Variants in FSTL5 observed in about 807,000 individuals in gnomAD.
The protein encoded by FSTL5 is follistatin-related protein 5.
FSTL5 carries 62 observed loss-of-function variants against 89.1 expected under a neutral mutation model. That is an observed-to-expected ratio of 0.70 (90% confidence interval 0.57 to 0.86). The LOEUF (loss-of-function observed/expected upper bound fraction) is 0.86. Among genes scored for constraint, FSTL5 ranks in the 40% least tolerant of loss-of-function variants. The pLI is 0.00. For synonymous variants in FSTL5, 383 were observed against 346.2 expected, an observed-to-expected ratio of 1.11 and a Z score of -1.18; for missense variants, 1,057 against 1,001.6, an observed-to-expected ratio of 1.06 and a Z score of -0.75.
chr4:161,807,194 AATAC>A (rs1311169323), intron 4 of FSTL5, among the ~76,000 whole-genome samples: 1 of 53,118 alleles, frequency 1.9e-5, no homozygotes, highest in East Asian at 5.3e-4. Context: ...AACACATGAG[AATAC>A]ACACACACAC....
At chr4:161,569,303 A>G (rs1417294343) in intron 8 of FSTL5, among the ~76,000 whole-genome samples, 3 of 152,148 alleles carry the variant, frequency 2.0e-5, no homozygotes, top group Non-Finnish European at 2.9e-5. Flanking sequence ...GCTGCCATAA[A>G]CATTTCTTGG....
At chr4:161,427,002 T>C (rs1168813231) in intron 15 of FSTL5, among the ~76,000 whole-genome samples, 1 of 152,166 alleles carries the variant, frequency 6.6e-6, no homozygotes, top group Non-Finnish European at 1.5e-5. Context: ...TATTATCTAA[T>C]ATAGAAAACC....
At chr4:161,458,881 G>A (rs772603934) in intron 14 of FSTL5, among the ~76,000 whole-genome samples, 1 of 152,128 alleles carries the variant, frequency 6.6e-6, no homozygotes, top group African/African-American at 2.4e-5. Context: ...TTTTGCTGTC[G>A]AATTCTCTTT....
At chr4:161,711,299 G>C (rs550919496) in intron 6 of FSTL5, among the ~76,000 whole-genome samples, 23 of 151,742 alleles carry the variant, frequency 1.5e-4, no homozygotes, top group Non-Finnish European at 3.4e-4. Flanking sequence ...AAGAGAAAAG[G>C]CTCAAGCTAC....
chr4:161,900,081 C>A (rs1425601397), intron 4 of FSTL5, among the ~76,000 whole-genome samples: 2 of 152,048 alleles, frequency 1.3e-5, no homozygotes, highest in African/African-American at 4.8e-5. Context: ...GTAGTCCCAG[C>A]TACACAGAAG....
intron 3 of FSTL5, among the ~76,000 whole-genome samples, chr4:161,984,523 A>C (rs1735909498): frequency 6.6e-6 from 1 of 152,124 alleles, no homozygotes; most frequent in East Asian, 1.9e-4. Flanking sequence ...TCACTTTAAG[A>C]TCAGGTTTCT....
intron 4 of FSTL5, among the ~76,000 whole-genome samples, chr4:161,786,774 T>C (rs1159901870): frequency 6.6e-6 from 1 of 152,070 alleles, no homozygotes; most frequent in African/African-American, 2.4e-5. Flanking sequence ...TATTTTCCCA[T>C]GAAATTTCAA....
At chr4:161,462,710 T>C (rs775571092) in intron 13 of FSTL5, among the ~76,000 whole-genome samples, 58 of 137,272 alleles carry the variant, frequency 4.2e-4, no homozygotes, top group South Asian at 8.3e-4. Context: ...ATACCACTCA[T>C]ACTACTACTA....
At chr4:162,075,973 A>C (rs991041796) in intron 2 of FSTL5, among the ~76,000 whole-genome samples, 4 of 151,878 alleles carry the variant, frequency 2.6e-5, no homozygotes, top group Non-Finnish European at 4.4e-5. Flanking sequence ...TCATTATATA[A>C]AAGTGATTTC....
At chr4:161,549,628 A>G (rs1732131921) in intron 8 of FSTL5, among the ~76,000 whole-genome samples, 1 of 151,902 alleles carries the variant, frequency 6.6e-6, no homozygotes, top group African/African-American at 2.4e-5. Context: ...TGACTTGGTA[A>G]ATAAAGAAGA....
chr4:161,900,172 G>A (rs1459597170), intron 4 of FSTL5, among the ~76,000 whole-genome samples: 2 of 152,118 alleles, frequency 1.3e-5, no homozygotes, highest in East Asian at 1.9e-4. Context: ...TCCAGCCTGC[G>A]TGACAGAGCG....
At chr4:161,968,584 T>G (rs1735389890) in intron 3 of FSTL5, among the ~76,000 whole-genome samples, 1 of 152,076 alleles carries the variant, frequency 6.6e-6, no homozygotes, top group Non-Finnish European at 1.5e-5. Context: ...GAAGATATTT[T>G]AAAAATTTGG....
intron 8 of FSTL5, among the ~76,000 whole-genome samples, chr4:161,553,373 G>A (rs1732278792): frequency 6.6e-6 from 1 of 151,066 alleles, no homozygotes; most frequent in Non-Finnish European, 1.5e-5. Context: ...AAAATGGAAG[G>A]AGATACCAAA....
chr4:161,744,672 A>T (rs1740133444), intron 6 of FSTL5, among the ~76,000 whole-genome samples: 1 of 152,148 alleles, frequency 6.6e-6, no homozygotes, highest in Non-Finnish European at 1.5e-5. Context: ...GGCATAGATC[A>T]GTTCTCAACA....
intron 1 of FSTL5, among the ~76,000 whole-genome samples, chr4:162,143,069 A>G (rs1732810228): frequency 6.6e-6 from 1 of 152,076 alleles, no homozygotes; most frequent in Non-Finnish European, 1.5e-5. Flanking sequence ...TATGTCTGTA[A>G]TTGTGTAGCA....
chr4:161,572,979 T>TA (rs1387895090), intron 8 of FSTL5, among the ~76,000 whole-genome samples: 1 of 152,180 alleles, frequency 6.6e-6, no homozygotes, highest in Non-Finnish European at 1.5e-5. Flanking sequence ...TAAGCTATTA[T>TA]AAAAAAGAGA....
intron 1 of FSTL5, among the ~76,000 whole-genome samples, chr4:162,146,677 TCCCTTCCCTTCCCTTC>T (rs755704650): frequency 3.0e-4 from 7 of 23,004 alleles, no homozygotes; most frequent in Non-Finnish European, 7.8e-4. Flanking sequence ...TCCCTTCCCT[TCCCTTCCCTTCCCTTC>T]CCTTCCCTTC....
intron 4 of FSTL5, among the ~76,000 whole-genome samples, chr4:161,792,043 C>T (rs1488490215): frequency 6.6e-6 from 1 of 152,194 alleles, no homozygotes; most frequent in Non-Finnish European, 1.5e-5. Context: ...TGGACCCAGG[C>T]ATCCCTGCAC....
chr4:161,435,085 CA>C (rs1732512960), intron 15 of FSTL5, among the ~76,000 whole-genome samples: 1 of 151,938 alleles, frequency 6.6e-6, no homozygotes, highest in Non-Finnish European at 1.5e-5. Flanking sequence ...TATAACCCCC[CA>C]AAAAGGAAAT....
Sources: allele counts gnomAD v4.1 joint callset (sites outside exome capture counted in the v4.1 genomes callset), GRCh38; gene constraint gnomAD v4.1.1; transcripts MANE v1.5; gene names NCBI Gene and HGNC (gene_info 2026-07-23, HGNC 2026-07-21).